The following DNAH5 variants were observed in gnomAD, a reference collection of about 807,000 sequenced individuals.
The protein encoded by DNAH5 is axonemal beta dynein heavy chain 5.
DNAH5 carries 372 observed loss-of-function variants against 518.2 expected under a neutral mutation model. That is an observed-to-expected ratio of 0.72 (90% CI 0.66 to 0.78). The LOEUF (loss-of-function observed/expected upper bound fraction) is 0.78. DNAH5 is among the 30% of genes least tolerant of loss of function. DNAH5 has a pLI of 0.00. For synonymous variants in DNAH5, 2,039 were observed against 2,025.9 expected (o/e 1.01, Z -0.17); for missense variants, 5,523 against 5,687.0 (o/e 0.97, Z 0.93).
Position 13,870,854 on chromosome 5 carries a change from G to T in DNAH5, c.3747C>A (p.Asp1249Glu), listed in dbSNP as rs1280894186. ...FNKKLNRPIKDLDDIRIAMAA... is the reference protein window; with the variant it reads ...FNKKLNRPIKELDDIRIAMAA... The stretch of plus-strand genomic sequence containing the variant: ...CCATTGCAATCCGAATATCATCTAG[G>T]TCCTTAATTGGACGATTTAGTTTCT... The change falls in exon 24 of 79, where the codon GAC (aspartate) becomes GAA (glutamate). Residue 1249 changes from aspartate to glutamate, a missense_variant. By Grantham distance (45) the Asp-to-Glu change is conservative. Transcript: ENST00000265104. The T allele has an allele frequency of 1.2e-6, 2 of 1,613,542 alleles. No homozygotes were observed. Among genetic ancestry groups the T allele is most frequent in the East Asian group, 2.2e-5 (1 of 44,884 alleles).
Position 13,894,736 on chromosome 5 carries a change from T to A in DNAH5, c.2345A>T (p.Asp782Val). The change falls in exon 16 of 79, where the codon GAT (aspartate) becomes GTT (valine). Residue 782 changes from aspartate (D) to valine (V), a missense_variant. Physicochemically the swap from Asp to Val is radical, Grantham distance 152. Around this residue, in one of 3 missense-constraint regions of DNAH5, gnomAD observed 5,121 missense variants for 5,223.3 expected, o/e 0.98. Coordinates refer to ENST00000265104, the MANE Select transcript of DNAH5 (RefSeq NM_001369.3). Reference sequence around the variant, plus strand: ...AGCCAAGCCAGGTTGGAGAGCTTCATCCACTTTGGCCAAGTGAGGGACAAT... The same window carrying A: ...AGCCAAGCCAGGTTGGAGAGCTTCAACCACTTTGGCCAAGTGAGGGACAAT... ...QLIVPHLAKV[D>V]EALQPGLAAL... 2 of 1,614,142 alleles carry A rather than the reference T, an allele frequency of 1.2e-6. No individual in the cohort carries two copies. Among genetic ancestry groups the A allele is most frequent in the Non-Finnish European group, 1.7e-6 (2 of 1,179,974 alleles).
chr5:13,885,852 A>T (rs1341120723), intron 18 of DNAH5, 112 bp downstream of exon 18: 14 of 1,001,460 alleles, frequency 1.4e-5, no homozygotes, highest in Non-Finnish European at 2.0e-5. Flanking sequence ...TCATTAGAAA[A>T]TCGAGAGGAT....
intron 65 of DNAH5, among the ~76,000 whole-genome samples, chr5:13,748,864 C>G (rs1470992465): frequency 6.6e-6 from 1 of 151,858 alleles, no homozygotes; most frequent in African/African-American, 2.4e-5. Context: ...AATTGAATAC[C>G]CTTTATTTCT....
intron 1 of DNAH5, among the ~76,000 whole-genome samples, chr5:13,983,696 T>C (rs1263033699): frequency 6.6e-6 from 1 of 152,222 alleles, no homozygotes; most frequent in African/African-American, 2.4e-5. Context: ...TGGAGGACAC[T>C]GATGGAGGCA....
chr5:13,963,476 G>A (rs1289774852), intron 1 of DNAH5, among the ~76,000 whole-genome samples: 2 of 151,988 alleles, frequency 1.3e-5, no homozygotes, highest in Admixed American at 1.3e-4. Context: ...TACTCGGGAG[G>A]CTGAGGCAGG....
At chr5:13,890,219 C>A (rs1773009376) in intron 17 of DNAH5, among the ~76,000 whole-genome samples, 1 of 152,072 alleles carries the variant, frequency 6.6e-6, no homozygotes, top group Non-Finnish European at 1.5e-5. Context: ...CCAGCCTGGG[C>A]AACACGATGA....
chr5:14,009,222 A>T (rs1032985517), intron 1 of DNAH5, among the ~76,000 whole-genome samples: 1 of 152,242 alleles, frequency 6.6e-6, no homozygotes, highest in Non-Finnish European at 1.5e-5. Context: ...GAGTGCCAGG[A>T]AAGAGCTTAG....
At chr5:14,004,046 CT>C (rs1478745477) in intron 1 of DNAH5, among the ~76,000 whole-genome samples, 2 of 152,232 alleles carry the variant, frequency 1.3e-5, no homozygotes, top group Admixed American at 1.3e-4. Context: ...AAGTCACTAA[CT>C]TTGGGAGTAA....
At chr5:13,790,350 T>C (rs542821078) in intron 50 of DNAH5, among the ~76,000 whole-genome samples, 2 of 152,310 alleles carry the variant, frequency 1.3e-5, no homozygotes, top group South Asian at 4.1e-4. Context: ...CTATACACCA[T>C]GGAATACTAT....
intron 15 of DNAH5, among the ~76,000 whole-genome samples, chr5:13,895,500 C>A (rs10058292): frequency 0.5 from 76,218 of 151,926 alleles, 19,273 homozygotes; most frequent in South Asian, 0.61. Context: ...ATACGACATG[C>A]GTGCTGCTCC....
chr5:13,749,635 A>C (rs1323637290), intron 65 of DNAH5, among the ~76,000 whole-genome samples: 1 of 152,342 alleles, frequency 6.6e-6, no homozygotes, highest in South Asian at 2.1e-4. Flanking sequence ...ACCAAGGACA[A>C]GAATATTATT....
chr5:13,865,254 A>G (rs1206119132), intron 27 of DNAH5, among the ~76,000 whole-genome samples: 1 of 152,084 alleles, frequency 6.6e-6, no homozygotes, highest in African/African-American at 2.4e-5. Flanking sequence ...CAGCCTCCCA[A>G]AGTGCTGGGA....
At chr5:13,980,429 T>A (rs1397313979) in intron 1 of DNAH5, among the ~76,000 whole-genome samples, 1 of 152,086 alleles carries the variant, frequency 6.6e-6, no homozygotes, top group Non-Finnish European at 1.5e-5. Context: ...GAACTCAGCA[T>A]CTCCCACATC....
chr5:14,005,295 C>A (rs1026725133), intron 1 of DNAH5, among the ~76,000 whole-genome samples: 2 of 152,224 alleles, frequency 1.3e-5, no homozygotes, highest in African/African-American at 2.4e-5. Flanking sequence ...ATGACAAAAA[C>A]AGTCCAGCGA....
At position 13,793,520 on chromosome 5, in the gene DNAH5, A is replaced by G; in HGVS notation, c.8219T>C (p.Ile2740Thr). The change falls in exon 49 of 79, where the codon ATC (isoleucine) becomes ACC (threonine). Residue 2740 changes from isoleucine to threonine, a missense_variant. This residue lies in a region of DNAH5 where 5,121 missense variants were observed against 5,223.3 expected (regional missense o/e 0.98). Transcript: ENST00000265104. ...TLPSEASVDK[I>T]FGVIGVGHYC... is the part of the protein sequence containing the mutation. ...CACATCCTCTTGATCTTTACCAAAG[A>G]TCTTGTCCACAGAAGCTTCAGAGGG... is the stretch of plus-strand genomic sequence containing the variant. 1 of 1,611,640 alleles carries G rather than the reference A, an allele frequency of 6.2e-7. No homozygotes were observed. Among genetic ancestry groups the G allele is most frequent in the Non-Finnish European group, 8.5e-7 (1 of 1,177,848 alleles).
intron 31 of DNAH5, among the ~76,000 whole-genome samples, chr5:13,847,425 T>TAA (rs56782034): frequency 4.0e-5 from 6 of 148,966 alleles, no homozygotes; most frequent in African/African-American, 1.5e-4. Context: ...AAAGAAAGAA[T>TAA]AAAAAAAAAG....
At chr5:13,876,479 A>C (rs1258930933) in intron 22 of DNAH5, among the ~76,000 whole-genome samples, 1 of 152,246 alleles carries the variant, frequency 6.6e-6, no homozygotes, top group Non-Finnish European at 1.5e-5. Context: ...ACACAATATG[A>C]GAGTAGGAAT....
At chr5:14,000,726 T>C (rs1784294800) in intron 1 of DNAH5, among the ~76,000 whole-genome samples, 2 of 152,040 alleles carry the variant, frequency 1.3e-5, no homozygotes. Context: ...CTGTGGAAAG[T>C]AGCCTCGTGA....
upstream of DNAH5, among the ~76,000 whole-genome samples, chr5:13,949,621 A>C (rs906290853): frequency 1.1e-4 from 17 of 152,250 alleles, no homozygotes; most frequent in Non-Finnish European, 2.4e-4. Context: ...ATGCATTTAG[A>C]GTAAACACTA....
Sources: allele counts gnomAD v4.1 joint callset (sites outside exome capture counted in the v4.1 genomes callset), GRCh38; gene constraint gnomAD v4.1.1; regional missense constraint gnomAD v4.1.1; transcripts MANE v1.5; gene names NCBI Gene and HGNC (gene_info 2026-07-23, HGNC 2026-07-21).